EHMT2: variants seen among roughly 807,000 people sequenced by gnomAD.
The protein encoded by EHMT2 is euchromatic histone lysine methyltransferase 2.
EHMT2 carries 59 observed loss-of-function variants against 143.3 expected under a neutral mutation model. That is an observed-to-expected ratio of 0.41 (90% CI 0.33 to 0.51). The LOEUF is 0.51. Among genes scored for constraint, EHMT2 ranks in the 20% least tolerant of loss-of-function variants. The probability of loss-of-function intolerance (pLI) is 0.18; values close to 1 mark genes in which losing one functional copy is unlikely to be tolerated. For missense variants in EHMT2, 1,174 were observed against 1,645.9 expected (o/e 0.71, Z 4.96); for synonymous variants, 604 against 651.5 (o/e 0.93, Z 1.11).
At chr6:31,895,011 A>G (rs1766196795) in intron 4 of EHMT2, among the ~76,000 whole-genome samples, 1 of 152,226 alleles carries the variant, frequency 6.6e-6, no homozygotes, top group African/African-American at 2.4e-5. Flanking sequence ...TAATTTATAA[A>G]TTCAATTTTC....
At chr6:31,894,963 C>A (rs754525558) in intron 4 of EHMT2, among the ~76,000 whole-genome samples, 2 of 152,182 alleles carry the variant, frequency 1.3e-5, no homozygotes, top group Non-Finnish European at 2.9e-5. Flanking sequence ...TAGGATTACG[C>A]TATTATGTTA....
Position 31,880,511 on chromosome 6 carries a change from A to T in EHMT2, c.3452+162T>A. On this transcript the variant is annotated intron_variant, in intron 27 of 27. Coordinates refer to ENST00000375537, the Ensembl canonical transcript of EHMT2. This position sits in a 1 kb window ranked among gnomAD's most constrained non-coding sequence, Gnocchi z 6.6. ...TCAAAATCTCTCTGGGAGGCACAGG[A>T]CTGTTTCCCCAAGTCCTCCAGGAAA... 3.4e-6 allele frequency: 3 copies of T among 886,984 alleles called. No individual in the cohort carries two copies. The highest frequency in any genetic ancestry group is 1.8e-5 in the South Asian group (1 of 56,892). 54.9% of individuals were successfully genotyped at this position (886,984 alleles called of 1,614,324 possible).
chr6:31,889,384 A>G lies in EHMT2; in HGVS notation c.1000-42T>C. The G allele has an allele frequency of 6.2e-7, 1 of 1,608,690 alleles. No individual in the cohort carries two copies. The highest frequency in any genetic ancestry group is 8.5e-7 in the Non-Finnish European group (1 of 1,178,150). On this transcript the variant is annotated intron_variant, in intron 8 of 27. Transcript: ENST00000375537. The surrounding 1 kb of genome is among the most constrained non-coding windows in gnomAD (Gnocchi z 5.1). ...GGAGGAGTTAGGAACCCTCACCCCC[A>G]GGGGCCCCCCCAACACCTTCAGGAC... is the stretch of plus-strand genomic sequence containing the variant.
In EHMT2 at chr6:31,884,196, C is replaced by A; in HGVS notation, c.2771+196G>T. 1 of 735,080 alleles carries A rather than the reference C, an allele frequency of 1.4e-6. No homozygotes were observed. The highest frequency in any genetic ancestry group is 2.0e-5 in the South Asian group (1 of 50,984). 45.5% of individuals were successfully genotyped at this position (735,080 alleles called of 1,614,324 possible). Reference sequence around the variant, plus strand: ...AGTATGCATCTGTGCATCTGAAATTCCAGTTTAACTGGGTGTCTTCTATTT... The same window carrying A: ...AGTATGCATCTGTGCATCTGAAATTACAGTTTAACTGGGTGTCTTCTATTT... On this transcript the variant is annotated intron_variant, in intron 21 of 27. Coordinates refer to ENST00000375537, the Ensembl canonical transcript of EHMT2. The surrounding 1 kb of genome is among the most constrained non-coding windows in gnomAD (Gnocchi z 7.3).
chr6:31,884,935 C>T lies in EHMT2; in HGVS notation c.2425G>A (p.Ala809Thr), dbSNP rs1355404952. Residue 809 changes from alanine (A) to threonine (T), a missense_variant, in exon 19 of 28, where the codon GCC becomes ACC. This residue lies in a region of EHMT2 where 608 missense variants were observed against 903.7 expected (regional missense o/e 0.67). Transcript: ENST00000375537. This position sits in a 1 kb window ranked among gnomAD's most constrained non-coding sequence, Gnocchi z 7.3. ...ACGTTGTCAGTGAGGGTGACGTCGGCGCCCCGCGTCAGTAGCATGCGGATC... is the reference window on the plus strand; with the variant it reads ...ACGTTGTCAGTGAGGGTGACGTCGGTGCCCCGCGTCAGTAGCATGCGGATC... 7 of 1,606,428 alleles carry T rather than the reference C, an allele frequency of 4.4e-6. No homozygotes were observed. Among genetic ancestry groups the T allele is most frequent in the East Asian group, 2.2e-5 (1 of 44,590 alleles).
At chr6:31,882,591 T>C in intron 25 of EHMT2, 108 bp downstream of exon 25, 1 of 1,107,998 alleles carries the variant, frequency 9.0e-7, no homozygotes, top group Non-Finnish European at 1.3e-6. Context: ...AGTGGCCAGA[T>C]GGAGACATGT....
exon 28 of EHMT2, chr6:31,879,802 T>C (rs904157345): frequency 4.4e-5 from 22 of 500,614 alleles, no homozygotes; most frequent in African/African-American, 1.1e-4. Flanking sequence ...AAGGAACCAG[T>C]TGGCATAGAG....
chr6:31,887,439 T>C (rs2151620696), intron 15 of EHMT2, 138 bp downstream of exon 15: 2 of 744,438 alleles, frequency 2.7e-6, no homozygotes, highest in Non-Finnish European at 4.5e-6. Flanking sequence ...ATGGGTTACA[T>C]GTGTCTTTTC....
Position 31,880,117 on chromosome 6 carries a change from G to A in EHMT2, c.3600C>T (p.Pro1200=), listed in dbSNP as rs757491948. 1.1e-5 allele frequency: 18 copies of A among 1,612,680 alleles called. No individual in the cohort carries two copies. The highest frequency in any genetic ancestry group is 6.7e-5 in the East Asian group (3 of 44,894). The change falls in exon 28 of 28, where the codon CCC becomes CCT. Residue 1200 remains proline (P), a synonymous_variant. Transcript: ENST00000375537. The surrounding 1 kb of genome is among the most constrained non-coding windows in gnomAD (Gnocchi z 6.6). ...TGACAGGGGGCAGGGAGCCGAGCTC[G>A]GGCAGCAGCTCAGGGTGTGGGTCCA...
In EHMT2 at chr6:31,888,245, C is replaced by T. The variant is rs371095878; in HGVS notation, c.1541G>A (p.Arg514His). ...GGCCTTGTGGAAGCGGTGGGCCACACGGAAGTCAGGGTGGCACTCCAGGAA... is the reference window on the plus strand; with the variant it reads ...GGCCTTGTGGAAGCGGTGGGCCACATGGAAGTCAGGGTGGCACTCCAGGAA... Residue 514 changes from arginine (R) to histidine (H), a missense_variant, in exon 13 of 28, where the codon CGT becomes CAT. Arg to His is a conservative substitution (Grantham distance 29). This residue lies in a region of EHMT2 where 608 missense variants were observed against 903.7 expected (regional missense o/e 0.67). Transcript: ENST00000375537. The surrounding 1 kb of genome is among the most constrained non-coding windows in gnomAD (Gnocchi z 7.4). 23 of 1,612,818 alleles carry T rather than the reference C, an allele frequency of 1.4e-5. No homozygotes were observed. In the African/African-American group the frequency reaches 1.7e-4, roughly 12 times the overall value.
In EHMT2 at chr6:31,883,847, T is replaced by G; in HGVS notation, c.2875A>C (p.Thr959Pro). The G allele has an allele frequency of 6.2e-7, 1 of 1,613,758 alleles. No individual in the cohort carries two copies. Among genetic ancestry groups the G allele is most frequent in the Non-Finnish European group, 8.5e-7 (1 of 1,179,910 alleles). The change falls in exon 22 of 28, where the codon ACG (threonine) becomes CCG (proline). Residue 959 changes from threonine (T) to proline (P), a missense_variant. Thr to Pro is a conservative substitution (Grantham distance 38). Coordinates refer to ENST00000375537, the Ensembl canonical transcript of EHMT2. The surrounding 1 kb of genome is among the most constrained non-coding windows in gnomAD (Gnocchi z 5.6). ...TTGCGATCGATGTTCATGGTGGACG[T>G]CTCGCAGTTCTCTGAGATGTACTTG...
Position 31,887,000 on chromosome 6 carries a change from G to A in EHMT2, c.2113C>T (p.Leu705=), listed in dbSNP as rs773169694. The change falls in exon 16 of 28, where the codon CTG becomes TTG. Residue 705 remains leucine (L), a synonymous_variant. Transcript: ENST00000375537. ...GGGGCCGGGCCCGTGCTGACCTGCA[G>A]CAGCACATGGCAGATCTCCACGGAG... The A allele has an allele frequency of 9.3e-6, 15 of 1,613,846 alleles. No homozygotes were observed. In the East Asian group the frequency reaches 3.3e-4, roughly 36 times the overall value.
At chr6:31,886,530 G>A in intron 18 of EHMT2, 51 bp downstream of exon 18, 1 of 1,563,752 alleles carries the variant, frequency 6.4e-7, no homozygotes, top group Non-Finnish European at 8.7e-7. Context: ...GCCAAGCCAA[G>A]GAACCCAGGC....
rs776184327 is a variant in EHMT2, at chr6:31,880,638, CCT to C, written c.3452+33_3452+34del. 6.2e-7 allele frequency: 1 copy of C among 1,607,950 alleles called. No individual in the cohort carries two copies. Among genetic ancestry groups the C allele is most frequent in the Non-Finnish European group, 8.5e-7 (1 of 1,176,592 alleles). On this transcript the variant is annotated intron_variant, in intron 27 of 27. Transcript: ENST00000375537. The surrounding 1 kb of genome is among the most constrained non-coding windows in gnomAD (Gnocchi z 6.6). The stretch of plus-strand genomic sequence containing the variant: ...CCCAGGTTTGCTGCATCTCCCACCC[CCT>C]GGCAGAGCCCCTAGAGACCCCTAGA...
intron 4 of EHMT2, 155 bp from the exon 5 acceptor site, chr6:31,893,065 T>C (rs1765912264): frequency 5.1e-6 from 3 of 587,190 alleles, no homozygotes; most frequent in Non-Finnish European, 3.0e-6. Flanking sequence ...CGGGTGCTAT[T>C]TCCTCAGAGG....
Position 31,887,107 on chromosome 6 carries a change from G to A in EHMT2, c.2012-6C>T, listed in dbSNP as rs1165656107. The A allele has an allele frequency of 3.1e-6, 5 of 1,593,206 alleles. No homozygotes were observed. The South Asian group carries it at 5.6e-5, about 18-fold the overall frequency. On this transcript the variant is annotated splice_region_variant and splice_polypyrimidine_tract_variant and intron_variant, in intron 15 of 27. Transcript: ENST00000375537. ...GTTGGGGTCCAGGTTGTCCACTGCG[G>A]GGAGAGCCCGCCACACCGGGAGAGG...
chr6:31,894,300 A>T (rs998196689), intron 4 of EHMT2, among the ~76,000 whole-genome samples: 14 of 152,040 alleles, frequency 9.2e-5, no homozygotes, highest in African/African-American at 3.4e-4. Context: ...GGCATGTACC[A>T]CCATGCCCGG....
chr6:31,884,554 A>G lies in EHMT2; in HGVS notation c.2609T>C (p.Phe870Ser). Reference sequence around the variant, plus strand: ...CTCAGGGTTGGCCCCACGTGACAGGAATAACCTGAAGAGGGGACAGGATGC... The same window carrying G: ...CTCAGGGTTGGCCCCACGTGACAGGGATAACCTGAAGAGGGGACAGGATGC... The change falls in exon 21 of 28, where the codon TTC becomes TCC. Residue 870 changes from phenylalanine to serine, a missense_variant. Around this residue, in one of 6 missense-constraint regions of EHMT2, gnomAD observed 608 missense variants for 903.7 expected, o/e 0.67. Transcript: ENST00000375537. This position sits in a 1 kb window ranked among gnomAD's most constrained non-coding sequence, Gnocchi z 7.3. 6.2e-7 allele frequency: 1 copy of G among 1,612,814 alleles called. No individual in the cohort carries two copies. Among genetic ancestry groups the G allele is most frequent in the Non-Finnish European group, 8.5e-7 (1 of 1,179,950 alleles).
Position 31,888,693 on chromosome 6 carries a change from G to A in EHMT2, c.1271C>T (p.Pro424Leu). ...TGCCTCCATGCGGCAGCTGCACAGG[G>A]GCAACTCCTCAAACCCTCGCTCTGT... The change falls in exon 11 of 28, where the codon CCC becomes CTC. Residue 424 changes from proline to leucine, a missense_variant. Coordinates refer to ENST00000375537, the Ensembl canonical transcript of EHMT2. This position sits in a 1 kb window ranked among gnomAD's most constrained non-coding sequence, Gnocchi z 7.4. The A allele has an allele frequency of 6.2e-7, 1 of 1,613,762 alleles. No homozygotes were observed. Among genetic ancestry groups the A allele is most frequent in the South Asian group, 1.1e-5 (1 of 91,088 alleles).
Sources: allele counts gnomAD v4.1 joint callset (sites outside exome capture counted in the v4.1 genomes callset), GRCh38; gene constraint gnomAD v4.1.1; regional missense constraint gnomAD v4.1.1; non-coding constraint Gnocchi (gnomAD v3.1); transcripts MANE v1.5; gene names NCBI Gene and HGNC (gene_info 2026-07-23, HGNC 2026-07-21).